RFLNA: variants seen among roughly 807,000 people sequenced by gnomAD.
RFLNA encodes refilin A, also known as refilin-A.
A neutral mutation model predicts 7.8 loss-of-function variants in RFLNA; 5 were observed. The ratio of observed to expected loss-of-function variants is 0.64; its 90% CI spans 0.34 to 1.35. The LOEUF is 1.35. Among genes scored for constraint, RFLNA ranks in the 40% most tolerant of loss-of-function variants. The probability of loss-of-function intolerance (pLI) is 0.04; values close to 1 mark genes in which losing one functional copy is unlikely to be tolerated. For synonymous variants in RFLNA, 141 were observed against 131.3 expected (o/e 1.07, Z -0.50); for missense variants, 278 against 305.5 (o/e 0.91, Z 0.67).
chr12:124,291,065 C>T (rs905323507), upstream of RFLNA, among the ~76,000 whole-genome samples: 2 of 152,140 alleles, frequency 1.3e-5, no homozygotes, highest in Admixed American at 6.5e-5. Context: ...TCAGGCATGA[C>T]GACCTCAGTC....
At chr12:124,304,827 C>G (rs1403741040) in intron 1 of RFLNA, among the ~76,000 whole-genome samples, 1 of 152,220 alleles carries the variant, frequency 6.6e-6, no homozygotes, top group Admixed American at 6.5e-5. Context: ...CCTCTCTCCT[C>G]CCCTGTGGCT....
intron 1 of RFLNA, among the ~76,000 whole-genome samples, chr12:124,302,853 G>GGGGCCGAGGTCAGA (rs1555294771): frequency 0.033 from 3,878 of 118,550 alleles, 106 homozygotes; most frequent in Non-Finnish European, 0.046. Flanking sequence ...GCCGAGGTCA[G>GGGGCCGAGGTCAGA]GGGCCGAGGT....
At chr12:124,296,832 G>A (rs1186547900) in intron 1 of RFLNA, among the ~76,000 whole-genome samples, 1 of 152,232 alleles carries the variant, frequency 6.6e-6, no homozygotes, top group Non-Finnish European at 1.5e-5. Flanking sequence ...CTCGGCATCA[G>A]GAGGGTTTCA....
At position 124,314,525 on chromosome 12, in the gene RFLNA, ACGGGGCTGGGGCCGGCC is replaced by A. The variant is rs771668846; in HGVS notation, c.*6_*22del. On this transcript the variant is annotated 3_prime_UTR_variant, in exon 3 of 3. Coordinates refer to ENST00000546355, the MANE Select transcript of RFLNA (RefSeq NM_001365156.1). ...GCCTCCTGGGCCCTGCCACGCTCTG[ACGGGGCTGGGGCCGGCC>A]CGGGGTGCTGGAGGAGCCGGGAGCC... 2 of 1,573,730 alleles carry A rather than the reference ACGGGGCTGGGGCCGGCC, an allele frequency of 1.3e-6. No homozygotes were observed. Among genetic ancestry groups the A allele is most frequent in the South Asian group, 2.2e-5 (2 of 89,004 alleles).
At chr12:124,293,207 G>A (rs1157279914), upstream of RFLNA, among the ~76,000 whole-genome samples, 9 of 152,144 alleles carry the variant, frequency 5.9e-5, no homozygotes, top group South Asian at 8.3e-4. Context: ...GATTACAGGC[G>A]TGAGCCACCG....
At chr12:124,310,900 T>C (rs1049892353) in intron 1 of RFLNA, among the ~76,000 whole-genome samples, 1 of 152,166 alleles carries the variant, frequency 6.6e-6, no homozygotes, top group East Asian at 1.9e-4. Flanking sequence ...CAGCTGCAAG[T>C]GACAGAAAGG....
rs547167256 is a variant in RFLNA, at chr12:124,304,148, T to C, written c.208-7670T>C. Among the ~76,000 whole-genome samples the C allele has an allele frequency of 3.2e-3, 488 of 152,342 alleles. 4 individuals are homozygous for C. The highest frequency in any genetic ancestry group is 0.011 in the African/African-American group (467 of 41,590). ...CCACAGGGCGCCACGACCGTTTCGATGTTCGAATAGCCCTGCAGCCAGAAA... is the reference window on the plus strand; with the variant it reads ...CCACAGGGCGCCACGACCGTTTCGACGTTCGAATAGCCCTGCAGCCAGAAA... On this transcript the variant is annotated intron_variant, in intron 1 of 2. Transcript: ENST00000546355.
At chr12:124,313,512 A>G (rs2034290726) in intron 2 of RFLNA, among the ~76,000 whole-genome samples, 1 of 152,126 alleles carries the variant, frequency 6.6e-6, no homozygotes, top group Non-Finnish European at 1.5e-5. Flanking sequence ...CTCCGTCTCT[A>G]CTAAAAATTA....
In RFLNA at chr12:124,303,428, C is replaced by T. The variant is rs191137697; in HGVS notation, c.207+7792C>T. Among the ~76,000 whole-genome samples, 26 of 152,352 alleles carry T rather than the reference C, an allele frequency of 1.7e-4. No homozygotes were observed. In the South Asian group the frequency reaches 3.9e-3, roughly 23 times the overall value. ...ACCCTCCAGGGCCCGTCCTGCCCCC[C>T]ACACTGTCCTGCTGCCCAGAAGCCT... On this transcript the variant is annotated intron_variant, in intron 1 of 2. Transcript: ENST00000546355.
At chr12:124,291,859 C>G (rs901627692), upstream of RFLNA, among the ~76,000 whole-genome samples, 2 of 152,112 alleles carry the variant, frequency 1.3e-5, no homozygotes, top group Admixed American at 6.5e-5. Context: ...TACCCCAGGT[C>G]ACTTTTCTTT....
chr12:124,300,338 G>A (rs540908419), intron 1 of RFLNA, among the ~76,000 whole-genome samples: 79 of 152,322 alleles, frequency 5.2e-4, no homozygotes, highest in African/African-American at 1.8e-3. Context: ...TAAGGAAGAC[G>A]TGCTGGATCC....
intron 1 of RFLNA, among the ~76,000 whole-genome samples, chr12:124,299,483 G>A (rs1171887924): frequency 6.6e-6 from 1 of 152,224 alleles, no homozygotes. Flanking sequence ...AACCCAATTT[G>A]TCATCTCTTA....
rs368901589 is a variant in RFLNA, at chr12:124,311,823, C to T, written c.213C>T (p.Pro71=). Residue 71 remains proline (P), a synonymous_variant, in exon 2 of 3, where the codon CCC becomes CCT. Transcript: ENST00000546355. The part of the protein sequence containing the change: ...PPGPSEARAP[P]SQLPNPPASE... ...GTCCCTGGCTCTCCCCACAGCCCCCCTCCCAACTCCCAAATCCCCCGGCGT... is the reference window on the plus strand; with the variant it reads ...GTCCCTGGCTCTCCCCACAGCCCCCTTCCCAACTCCCAAATCCCCCGGCGT... 42 of 1,589,094 alleles carry T rather than the reference C, an allele frequency of 2.6e-5. No individual in the cohort carries two copies. In the African/African-American group the frequency reaches 4.9e-4, roughly 19 times the overall value.
rs773889088 is a variant in RFLNA, at chr12:124,314,417, C to A, written c.543C>A (p.Thr181=). The A allele has an allele frequency of 6.2e-7, 1 of 1,606,686 alleles. No homozygotes were observed. Among genetic ancestry groups the A allele is most frequent in the East Asian group, 2.2e-5 (1 of 44,874 alleles). ...FPKHARSTFR[T]TLHCSLGRPS... ...AGCATGCCAGGAGCACTTTCCGGAC[C>A]ACCCTGCACTGCAGCCTGGGCCGGC... is the stretch of plus-strand genomic sequence containing the variant. The change falls in exon 3 of 3, where the codon ACC becomes ACA. Residue 181 remains threonine, a synonymous_variant. Coordinates refer to ENST00000546355, the MANE Select transcript of RFLNA (RefSeq NM_001365156.1).
chr12:124,309,495 G>A (rs574501147), intron 1 of RFLNA, among the ~76,000 whole-genome samples: 7 of 152,346 alleles, frequency 4.6e-5, no homozygotes, highest in Non-Finnish European at 7.4e-5. Context: ...TGCTGTGGCC[G>A]CGAGCATCTC....
chr12:124,298,038 G>A (rs1286952461), intron 1 of RFLNA, among the ~76,000 whole-genome samples: 1 of 152,234 alleles, frequency 6.6e-6, no homozygotes, highest in African/African-American at 2.4e-5. Flanking sequence ...GGAAGAGGAT[G>A]GGGTGAGCGG....
At chr12:124,301,639 A>T (rs4765537) in intron 1 of RFLNA, among the ~76,000 whole-genome samples, 1 of 151,986 alleles carries the variant, frequency 6.6e-6, no homozygotes, top group Non-Finnish European at 1.5e-5. Context: ...TGGGTTCGCC[A>T]TTTTTTTGTG....
At chr12:124,312,162 C>T (rs967512338) in intron 2 of RFLNA, among the ~76,000 whole-genome samples, 5 of 152,112 alleles carry the variant, frequency 3.3e-5, no homozygotes, top group East Asian at 1.9e-4. Context: ...ATCCACCCCA[C>T]GCCCCCACCC....
Position 124,306,999 on chromosome 12 carries a change from C to T in RFLNA, c.208-4819C>T, listed in dbSNP as rs866588386. ...CACCAGTCTGGAGGAATAGGGTCCC[C>T]ACCACCTGCTGTCCCCCGTGGGAGC... On this transcript the variant is annotated intron_variant, in intron 1 of 2. Transcript: ENST00000546355. This position sits in a 1 kb window ranked among gnomAD's most constrained non-coding sequence, Gnocchi z 5.2. 6.6e-6 allele frequency among the ~76,000 whole-genome samples: 1 copy of T among 152,156 alleles called. No individual in the cohort carries two copies. The highest frequency in any genetic ancestry group is 2.1e-4 in the South Asian group (1 of 4,830).
Sources: allele counts gnomAD v4.1 joint callset (sites outside exome capture counted in the v4.1 genomes callset), GRCh38; gene constraint gnomAD v4.1.1; non-coding constraint Gnocchi (gnomAD v3.1); transcripts MANE v1.5; gene names NCBI Gene and HGNC (gene_info 2026-07-23, HGNC 2026-07-21).